The following ROBO1 variants were observed in gnomAD, a reference collection of about 807,000 sequenced individuals.
ROBO1 encodes the protein roundabout homolog 1.
ROBO1 carries 149 observed loss-of-function variants against 195.9 expected under a neutral mutation model. That is an observed-to-expected ratio of 0.76 (90% CI 0.67 to 0.87). ROBO1 has a LOEUF of 0.87. Among genes scored for constraint, ROBO1 ranks in the 40% least tolerant of loss-of-function variants. The pLI, the probability that ROBO1 is intolerant of heterozygous loss-of-function variation, is 0.00. For synonymous variants in ROBO1, 816 were observed against 733.2 expected (o/e 1.11, Z -1.82); for missense variants, 1,933 against 2,068.3 (o/e 0.93, Z 1.27).
At chr3:79,615,894 T>G (rs1185658902) in intron 1 of ROBO1, among the ~76,000 whole-genome samples, 3 of 152,184 alleles carry the variant, frequency 2.0e-5, no homozygotes, top group Non-Finnish European at 4.4e-5. Context: ...ACTAGAGATG[T>G]CAGATGCCAG....
chr3:79,706,707 TC>T (rs1192672205), intron 1 of ROBO1, among the ~76,000 whole-genome samples: 2 of 152,058 alleles, frequency 1.3e-5, no homozygotes, highest in East Asian at 3.9e-4. Context: ...CCTGTTGCCA[TC>T]CATGTAAAAT....
At chr3:78,944,256 A>G (rs183064905) in intron 3 of ROBO1, among the ~76,000 whole-genome samples, 102 of 152,356 alleles carry the variant, frequency 6.7e-4, no homozygotes, top group Non-Finnish European at 1.0e-3. Context: ...TAAAATCCAT[A>G]GAGAAACATG....
intron 1 of ROBO1, among the ~76,000 whole-genome samples, chr3:79,703,456 T>A (rs1947676808): frequency 6.6e-6 from 1 of 151,726 alleles, no homozygotes; most frequent in Non-Finnish European, 1.5e-5. Context: ...GGTATAAAAA[T>A]TTAGTAATTA....
chr3:79,241,077 A>G (rs2082507602), intron 2 of ROBO1, among the ~76,000 whole-genome samples: 1 of 152,172 alleles, frequency 6.6e-6, no homozygotes, highest in Admixed American at 6.6e-5. Flanking sequence ...ATTTTCAACT[A>G]AAATTGAGTT....
At chr3:79,538,046 T>C (rs1941938277) in intron 2 of ROBO1, among the ~76,000 whole-genome samples, 1 of 152,196 alleles carries the variant, frequency 6.6e-6, no homozygotes, top group Non-Finnish European at 1.5e-5. Flanking sequence ...ACAAGCTTCA[T>C]GTATCTTTCT....
intron 4 of ROBO1, among the ~76,000 whole-genome samples, chr3:78,903,818 C>A (rs1052645825): frequency 6.6e-6 from 1 of 152,026 alleles, no homozygotes; most frequent in Admixed American, 6.6e-5. Flanking sequence ...ATGCTTAAAT[C>A]TCTTAGGCTG....
intron 2 of ROBO1, among the ~76,000 whole-genome samples, chr3:79,550,231 G>GAAAAGAAAAGAAAAGAAAAGAA (rs1553762995): frequency 2.7e-5 from 4 of 147,180 alleles, no homozygotes; most frequent in Admixed American, 1.4e-4. Context: ...GAAAAGAAAA[G>GAAAAGAAAAGAAAAGAAAAGAA]AAAAGAAAAG....
chr3:78,707,948 T>G (rs114761631), intron 8 of ROBO1, among the ~76,000 whole-genome samples: 2 of 152,182 alleles, frequency 1.3e-5, no homozygotes, highest in African/African-American at 2.4e-5. Flanking sequence ...AGGTGATGGC[T>G]TGGGAAATGG....
At chr3:79,390,568 G>A (rs927230814) in intron 2 of ROBO1, among the ~76,000 whole-genome samples, 9 of 152,116 alleles carry the variant, frequency 5.9e-5, no homozygotes, top group South Asian at 2.1e-4. Context: ...AGATGAATAC[G>A]TTTTAGGGAA....
At chr3:78,963,535 TTG>T (rs2041510482) in intron 3 of ROBO1, among the ~76,000 whole-genome samples, 1 of 142,848 alleles carries the variant, frequency 7.0e-6, no homozygotes, top group African/African-American at 2.7e-5. Context: ...TTTTTTTTTT[TTG>T]AGACGGAGTC....
At chr3:79,011,920 G>A (rs1252417182) in intron 3 of ROBO1, among the ~76,000 whole-genome samples, 1 of 151,956 alleles carries the variant, frequency 6.6e-6, no homozygotes, top group Non-Finnish European at 1.5e-5. Context: ...CATACGAACT[G>A]TGTTTCAAGC....
At chr3:79,331,006 C>G (rs556179263) in intron 2 of ROBO1, among the ~76,000 whole-genome samples, 1 of 152,084 alleles carries the variant, frequency 6.6e-6, no homozygotes, top group South Asian at 2.1e-4. Flanking sequence ...CAACAAGAAC[C>G]GGACATGTAT....
chr3:79,575,930 C>G (rs1285233209), intron 2 of ROBO1, among the ~76,000 whole-genome samples: 1 of 151,846 alleles, frequency 6.6e-6, no homozygotes, highest in African/African-American at 2.4e-5. Flanking sequence ...CAGTTGTAAC[C>G]TGGCTCTCTT....
chr3:79,037,378 T>G, intron 3 of ROBO1, among the ~76,000 whole-genome samples: 1 of 152,282 alleles, frequency 6.6e-6, no homozygotes, highest in African/African-American at 2.4e-5. Context: ...CCATTACTCC[T>G]TATAAATGCA....
At chr3:79,349,781 G>T (rs1379906411) in intron 2 of ROBO1, among the ~76,000 whole-genome samples, 1 of 152,154 alleles carries the variant, frequency 6.6e-6, no homozygotes, top group Admixed American at 6.5e-5. Context: ...CTGGGCTCTT[G>T]TTTCACACCG....
At chr3:79,245,766 G>A (rs1432415562) in intron 2 of ROBO1, among the ~76,000 whole-genome samples, 1 of 151,946 alleles carries the variant, frequency 6.6e-6, no homozygotes, top group Non-Finnish European at 1.5e-5. Context: ...CATGCCTAAT[G>A]ACAACCTACA....
At chr3:79,498,928 T>C (rs1021185298) in intron 2 of ROBO1, among the ~76,000 whole-genome samples, 1 of 152,210 alleles carries the variant, frequency 6.6e-6, no homozygotes, top group African/African-American at 2.4e-5. Flanking sequence ...TTTAGTCAAC[T>C]ATATCCCTTG....
chr3:78,732,140 A>G (rs544354008), intron 5 of ROBO1, among the ~76,000 whole-genome samples: 1 of 152,264 alleles, frequency 6.6e-6, no homozygotes, highest in East Asian at 1.9e-4. Context: ...ACATAGATCC[A>G]AAGTAAAGCT....
At chr3:79,339,528 T>G (rs1445098629) in intron 2 of ROBO1, among the ~76,000 whole-genome samples, 1 of 152,166 alleles carries the variant, frequency 6.6e-6, no homozygotes, top group East Asian at 1.9e-4. Context: ...CCTGCATACA[T>G]TCCCTCAGTT....
Sources: allele counts gnomAD v4.1 joint callset (sites outside exome capture counted in the v4.1 genomes callset), GRCh38; gene constraint gnomAD v4.1.1; transcripts MANE v1.5; gene names NCBI Gene and HGNC (gene_info 2026-07-23, HGNC 2026-07-21).